HYCC2: variants seen among roughly 807,000 people sequenced by gnomAD.
HYCC2 encodes hyccin PI4KA lipid kinase complex subunit 2.
At chr2:201,034,735 T>C in the HYCC2 span, among the ~76,000 whole-genome samples, 1 of 152,256 alleles carries the variant, frequency 6.6e-6, no homozygotes, top group Admixed American at 6.5e-5. Flanking sequence ...GTTTTTGCAG[T>C]GGCTGGTACC....
the HYCC2 span, among the ~76,000 whole-genome samples, chr2:201,060,897 C>T: frequency 1.3e-5 from 2 of 152,034 alleles, no homozygotes; most frequent in African/African-American, 4.8e-5. Context: ...GAGAGTACAA[C>T]ATATGGATGG....
chr2:201,003,904 T>A, the HYCC2 span, among the ~76,000 whole-genome samples: 1 of 148,588 alleles, frequency 6.7e-6, no homozygotes, highest in Middle Eastern at 3.4e-3. Flanking sequence ...ACCTCTGCCT[T>A]CTGGGTTCAA....
At chr2:201,060,382 C>A in the HYCC2 span, among the ~76,000 whole-genome samples, 2 of 152,120 alleles carry the variant, frequency 1.3e-5, no homozygotes, top group Non-Finnish European at 2.9e-5. Flanking sequence ...ATGTTTCAGT[C>A]AATGAGATCA....
At chr2:201,009,051 GCC>G in the HYCC2 span, 1 of 1,613,716 alleles carries the variant, frequency 6.2e-7, no homozygotes, top group Non-Finnish European at 8.5e-7. Flanking sequence ...CTGACACAAT[GCC>G]CCTTCTGTCA....
chr2:201,055,216 T>A, the HYCC2 span, among the ~76,000 whole-genome samples: 2 of 151,840 alleles, frequency 1.3e-5, no homozygotes, highest in Non-Finnish European at 2.9e-5. Flanking sequence ...GGTAAAAAAA[T>A]TTACCATCTT....
At chr2:201,006,393 G>A in the HYCC2 span, among the ~76,000 whole-genome samples, 1 of 148,146 alleles carries the variant, frequency 6.8e-6, no homozygotes, top group Non-Finnish European at 1.5e-5. Context: ...CACCTGCATC[G>A]GCCTCCCAAA....
chr2:200,986,574 C>CG, the HYCC2 span, among the ~76,000 whole-genome samples: 4 of 151,298 alleles, frequency 2.6e-5, no homozygotes, highest in Non-Finnish European at 5.9e-5. Context: ...GATGGGGGTT[C>CG]GGGGGGGAAG....
chr2:201,069,328 C>T, the HYCC2 span, among the ~76,000 whole-genome samples: 2 of 152,090 alleles, frequency 1.3e-5, no homozygotes, highest in African/African-American at 4.8e-5. Flanking sequence ...ATAAACAGCT[C>T]CAATACTGAA....
the HYCC2 span, among the ~76,000 whole-genome samples, chr2:201,023,194 CA>C: frequency 6.6e-6 from 1 of 151,642 alleles, no homozygotes; most frequent in Non-Finnish European, 1.5e-5. Flanking sequence ...CTAAAAATAC[CA>C]AAAATTAGCC....
At chr2:200,999,168 C>A in the HYCC2 span, among the ~76,000 whole-genome samples, 1 of 152,270 alleles carries the variant, frequency 6.6e-6, no homozygotes, top group African/African-American at 2.4e-5. Flanking sequence ...AATTTGACCA[C>A]TCTAAGAAGA....
the HYCC2 span, chr2:200,979,542 C>T: frequency 1.9e-4 from 28 of 150,706 alleles, no homozygotes; most frequent in South Asian, 2.7e-3. Flanking sequence ...AAAAAAAAGG[C>T]GTTTTTTCTG....
the HYCC2 span, among the ~76,000 whole-genome samples, chr2:201,010,834 A>G: frequency 1.3e-5 from 2 of 152,006 alleles, no homozygotes; most frequent in Admixed American, 6.5e-5. Context: ...AAAATTCATA[A>G]AAGACTAATG....
chr2:201,047,213 A>C, the HYCC2 span, among the ~76,000 whole-genome samples: 1 of 152,088 alleles, frequency 6.6e-6, no homozygotes. Context: ...CAGTCTCATA[A>C]TCTGAAGAAT....
At chr2:200,997,238 G>A in the HYCC2 span, 1 of 429,910 alleles carries the variant, frequency 2.3e-6, no homozygotes, top group Non-Finnish European at 4.3e-6. Context: ...CTAGGCGACA[G>A]AGAGAAATCC....
the HYCC2 span, among the ~76,000 whole-genome samples, chr2:200,991,870 A>C: frequency 4.6e-5 from 7 of 152,120 alleles, no homozygotes; most frequent in Admixed American, 3.9e-4. Flanking sequence ...CCCTATAAAA[A>C]AAATACAAAA....
At chr2:201,019,326 A>G in the HYCC2 span, among the ~76,000 whole-genome samples, 4 of 152,160 alleles carry the variant, frequency 2.6e-5, no homozygotes, top group Non-Finnish European at 5.9e-5. Context: ...GTGGGACACT[A>G]TATTTTAACT....
At chr2:201,029,370 G>A in the HYCC2 span, among the ~76,000 whole-genome samples, 1 of 152,170 alleles carries the variant, frequency 6.6e-6, no homozygotes, top group Non-Finnish European at 1.5e-5. Context: ...AGACAGTGCA[G>A]CGATTCCTCA....
At chr2:200,984,386 T>G in the HYCC2 span, among the ~76,000 whole-genome samples, 3 of 152,190 alleles carry the variant, frequency 2.0e-5, no homozygotes, top group African/African-American at 7.2e-5. Context: ...ATAAATAGAA[T>G]GTACTTGACA....
the HYCC2 span, among the ~76,000 whole-genome samples, chr2:201,057,791 GA>G: frequency 6.6e-6 from 1 of 152,002 alleles, no homozygotes; most frequent in Non-Finnish European, 1.5e-5. Flanking sequence ...TGACCTTACA[GA>G]GAAGTAGCCC....
Sources: allele counts gnomAD v4.1 joint callset (sites outside exome capture counted in the v4.1 genomes callset), GRCh38; gene constraint gnomAD v4.1.1; transcripts MANE v1.5; gene names NCBI Gene and HGNC (gene_info 2026-07-23, HGNC 2026-07-21).